Variants in GABRB3 observed in about 807,000 individuals in gnomAD.
GABRB3 encodes gamma-aminobutyric acid type A receptor subunit beta3.
GABRB3 carries 14 observed loss-of-function variants against 52.1 expected under a neutral mutation model. The ratio of observed to expected loss-of-function variants is 0.27; its 90% CI spans 0.18 to 0.42. The LOEUF (loss-of-function observed/expected upper bound fraction) is 0.42, where lower values mean the gene tolerates loss of function less well. Ranked by LOEUF, GABRB3 falls within the 10% of genes least tolerant of loss-of-function variation. The pLI is 1.00. For synonymous variants in GABRB3, 260 were observed against 232.3 expected (o/e 1.12, Z -1.08); for missense variants, 307 against 609.1 (o/e 0.50, Z 5.22).
chr15:26,647,551 AT>A (rs1186523875), intron 3 of GABRB3, among the ~76,000 whole-genome samples: 6 of 152,164 alleles, frequency 3.9e-5, no homozygotes, highest in African/African-American at 1.4e-4. Flanking sequence ...TGGTCTGTAA[AT>A]TTGCTTGTCA....
intron 3 of GABRB3, among the ~76,000 whole-genome samples, chr15:26,720,832 T>C (rs1566818543): frequency 6.6e-6 from 1 of 152,314 alleles, no homozygotes; most frequent in South Asian, 2.1e-4. Flanking sequence ...TTCTGCAACA[T>C]GGAACCTATA....
At chr15:26,772,368 G>T in intron 3 of GABRB3, 34 bp downstream of exon 3, 3 of 1,575,372 alleles carry the variant, frequency 1.9e-6, no homozygotes, top group South Asian at 1.1e-5. Context: ...CGGGCCGGGG[G>T]CTCAGGGACC....
At chr15:26,623,624 C>T (rs148578343) in intron 3 of GABRB3, among the ~76,000 whole-genome samples, 98 of 152,240 alleles carry the variant, frequency 6.4e-4, no homozygotes, top group Middle Eastern at 6.8e-3. Flanking sequence ...TAGATTTCAG[C>T]GGCTTAGACT....
chr15:26,550,027 C>T (rs1889398991), intron 8 of GABRB3: 1 of 152,144 alleles, frequency 6.6e-6, no homozygotes, highest in East Asian at 1.9e-4. Context: ...GAGTATGTAA[C>T]CCTATGCAAA....
intron 3 of GABRB3, among the ~76,000 whole-genome samples, chr15:26,647,397 T>C (rs1255037169): frequency 6.6e-6 from 1 of 152,224 alleles, no homozygotes; most frequent in Non-Finnish European, 1.5e-5. Flanking sequence ...ACTTGGGCTT[T>C]TGAAGTCATG....
intron 4 of GABRB3, among the ~76,000 whole-genome samples, chr15:26,619,644 T>G (rs369873642): frequency 1.3e-5 from 2 of 151,690 alleles, no homozygotes; most frequent in Non-Finnish European, 2.9e-5. Flanking sequence ...ATTATGCACA[T>G]GTACCCTAAA....
intron 3 of GABRB3, among the ~76,000 whole-genome samples, chr15:26,679,909 T>C (rs1221640562): frequency 6.6e-6 from 1 of 152,226 alleles, no homozygotes; most frequent in Non-Finnish European, 1.5e-5. Context: ...AGATTAACTT[T>C]CTTATTAGCA....
rs1889976829 is a variant in GABRB3 at position 26,561,312 on chromosome 15, G to T, written c.836-136C>A. 4 of 1,199,862 alleles carry T rather than the reference G, an allele frequency of 3.3e-6. No individual in the cohort carries two copies. The East Asian group carries it at 9.3e-5, about 28-fold the overall frequency. The allele number at this position is 1,199,862 out of a possible 1,614,324, so 74.3% of individuals were successfully genotyped here. On this transcript the variant is annotated intron_variant, in intron 7 of 8. Transcript: ENST00000311550. ...TTGAATACTGTGGGGTGACTGGAAT[G>T]CAACAGAGCATACATCTTGTCATTT... is the stretch of plus-strand genomic sequence containing the variant.
chr15:26,612,592 A>G (rs1892111118), intron 4 of GABRB3: 1 of 152,210 alleles, frequency 6.6e-6, no homozygotes, highest in African/African-American at 2.4e-5. Flanking sequence ...TAAATGACAA[A>G]ACTTTACTAA....
chr15:26,746,820 T>C (rs532486019), intron 3 of GABRB3, among the ~76,000 whole-genome samples: 2 of 151,988 alleles, frequency 1.3e-5, no homozygotes, highest in African/African-American at 2.4e-5. Flanking sequence ...ACCCCATCTC[T>C]ACTAAAAATA....
chr15:26,568,250 C>T (rs1890254190), intron 6 of GABRB3, among the ~76,000 whole-genome samples: 1 of 152,078 alleles, frequency 6.6e-6, no homozygotes, highest in Admixed American at 6.5e-5. Context: ...AAGTCCAGTC[C>T]CGGAGAAAGC....
At chr15:26,609,852 A>C (rs1892001979) in intron 4 of GABRB3, among the ~76,000 whole-genome samples, 1 of 152,172 alleles carries the variant, frequency 6.6e-6, no homozygotes, top group Admixed American at 6.5e-5. Context: ...CACTTGATTT[A>C]ATTATTCTGA....
At chr15:26,673,269 C>T (rs1164692387) in intron 3 of GABRB3, among the ~76,000 whole-genome samples, 1 of 152,090 alleles carries the variant, frequency 6.6e-6, no homozygotes, top group Admixed American at 6.6e-5. Flanking sequence ...CTTCCTTCTT[C>T]CTTAGAGGGT....
At chr15:26,765,116 C>A (rs968426637) in intron 3 of GABRB3, among the ~76,000 whole-genome samples, 1 of 105,526 alleles carries the variant, frequency 9.5e-6, no homozygotes, top group Non-Finnish European at 1.8e-5. Context: ...GGTGACAGAG[C>A]GAGACTCCGA....
At chr15:26,554,777 A>G (rs909523324) in intron 8 of GABRB3, among the ~76,000 whole-genome samples, 8 of 152,218 alleles carry the variant, frequency 5.3e-5, no homozygotes, top group African/African-American at 1.9e-4. Context: ...TGCCATTTTC[A>G]CAAGTATAAA....
intron 4 of GABRB3, among the ~76,000 whole-genome samples, chr15:26,585,220 T>C (rs370617181): frequency 7.9e-5 from 12 of 152,164 alleles, no homozygotes; most frequent in Admixed American, 7.2e-4. Context: ...CATTCAGTGA[T>C]GGGGAGTAAG....
chr15:26,626,503 C>T (rs1299127142), intron 3 of GABRB3, among the ~76,000 whole-genome samples: 3 of 152,128 alleles, frequency 2.0e-5, no homozygotes, highest in African/African-American at 7.2e-5. Flanking sequence ...CAAAGTTAGG[C>T]CTTTTCTACC....
intron 3 of GABRB3, among the ~76,000 whole-genome samples, chr15:26,764,249 A>C (rs1890933526): frequency 3.0e-5 from 4 of 135,120 alleles, no homozygotes; most frequent in Admixed American, 7.6e-5. Flanking sequence ...GTCATGAATC[A>C]TGGCATGTGG....
chr15:26,606,805 T>TAGATATATCGATAGATAG (rs1398253433), intron 4 of GABRB3, among the ~76,000 whole-genome samples: 1 of 117,950 alleles, frequency 8.5e-6, no homozygotes, highest in Admixed American at 8.8e-5. Context: ...TAGATATATC[T>TAGATATATCGATAGATAG]ATAGATAGAT....
Sources: gnomAD v4.1 joint callset for allele counts (sites outside exome capture counted in the v4.1 genomes callset) on GRCh38, gnomAD v4.1.1 for gene constraint, MANE v1.5 for transcripts, NCBI Gene and HGNC (gene_info 2026-07-23, HGNC 2026-07-21) for gene names.